FBXL2: variants seen among roughly 807,000 people sequenced by gnomAD.
FBXL2 encodes F-box and leucine rich repeat protein 2, also known as F-box/LRR-repeat protein 2.
A neutral mutation model predicts 69.2 loss-of-function variants in FBXL2; 38 were observed. The observed-to-expected ratio is 0.55, with a 90% confidence interval of 0.42 to 0.72. The LOEUF is 0.72. Ranked by LOEUF, FBXL2 falls within the 30% of genes least tolerant of loss-of-function variation. The pLI, the probability that FBXL2 is intolerant of heterozygous loss-of-function variation, is 0.00. For synonymous variants in FBXL2, 192 were observed against 201.3 expected (o/e 0.95, Z 0.39); for missense variants, 354 against 520.3 (o/e 0.68, Z 3.11).
chr3:33,291,746 A>T (rs1480406170), intron 1 of FBXL2, among the ~76,000 whole-genome samples: 1 of 152,334 alleles, frequency 6.6e-6, no homozygotes, highest in East Asian at 1.9e-4. Context: ...TTATGGAAAA[A>T]GTCAGGAAAG....
At chr3:33,312,566 C>A (rs2037307995) in intron 2 of FBXL2, among the ~76,000 whole-genome samples, 1 of 152,140 alleles carries the variant, frequency 6.6e-6, no homozygotes, top group South Asian at 2.1e-4. Context: ...CACCAGTCAG[C>A]CCATCCGGAG....
chr3:33,347,491 A>T (rs1304917045), intron 2 of FBXL2, among the ~76,000 whole-genome samples: 1 of 152,186 alleles, frequency 6.6e-6, no homozygotes, highest in Non-Finnish European at 1.5e-5. Context: ...GGGAGTGCAG[A>T]TATCTCTTCG....
chr3:33,293,298 G>C (rs902915383), intron 1 of FBXL2, among the ~76,000 whole-genome samples: 1 of 152,188 alleles, frequency 6.6e-6, no homozygotes, highest in Admixed American at 6.5e-5. Flanking sequence ...CTTGTGGCAG[G>C]TTCTATCACT....
At chr3:33,326,457 C>T (rs1023607843) in intron 2 of FBXL2, among the ~76,000 whole-genome samples, 3 of 151,278 alleles carry the variant, frequency 2.0e-5, no homozygotes, top group Non-Finnish European at 4.4e-5. Context: ...GAGCCGAGAT[C>T]GCTCTACCAC....
intron 2 of FBXL2, among the ~76,000 whole-genome samples, chr3:33,349,571 T>C (rs2040689011): frequency 6.6e-6 from 1 of 152,194 alleles, no homozygotes; most frequent in African/African-American, 2.4e-5. Flanking sequence ...TTTCTATTTT[T>C]GGTCTTGTCT....
intron 5 of FBXL2, among the ~76,000 whole-genome samples, chr3:33,367,585 C>CTT (rs74867316): frequency 7.5e-5 from 11 of 145,854 alleles, no homozygotes; most frequent in Middle Eastern, 3.6e-3. Flanking sequence ...TAATTGTTGT[C>CTT]TTTTTTTTTT....
chr3:33,414,274 A>G, the FBXL2 span: 1 of 152,118 alleles, frequency 6.6e-6, no homozygotes, highest in Non-Finnish European at 1.5e-5. Context: ...GGGAAAGAAA[A>G]AGAAAGAGAG....
At chr3:33,317,057 AC>A (rs1322871747) in intron 2 of FBXL2, among the ~76,000 whole-genome samples, 1 of 152,000 alleles carries the variant, frequency 6.6e-6, no homozygotes, top group East Asian at 1.9e-4. Flanking sequence ...GCATGCTATC[AC>A]GCCTGGCTAA....
chr3:33,345,037 T>A (rs541975619), intron 2 of FBXL2, among the ~76,000 whole-genome samples: 1 of 152,238 alleles, frequency 6.6e-6, no homozygotes, highest in Non-Finnish European at 1.5e-5. Context: ...GAAAGTCTTA[T>A]GTTAACTTTT....
chr3:33,310,138 A>G (rs1445702702), intron 2 of FBXL2, among the ~76,000 whole-genome samples: 2 of 151,958 alleles, frequency 1.3e-5, no homozygotes, highest in Non-Finnish European at 2.9e-5. Flanking sequence ...TTTATTTTTA[A>G]TAGTTTTATT....
Position 33,373,262 on chromosome 3 carries a change from C to T in FBXL2, c.362C>T (p.Thr121Met). The change falls in exon 7 of 15, where the codon ACG (threonine) becomes ATG (methionine). Residue 121 changes from threonine to methionine, a missense_variant and splice_region_variant. Physicochemically the swap from Thr to Met is moderately conservative, Grantham distance 81 (BLOSUM62 -1). Coordinates refer to ENST00000484457, the MANE Select transcript of FBXL2 (RefSeq NM_012157.5). ...TTAGTGCGTCTGCTCTTTTTCAGCA[C>T]GTGTTATAGCCTTAGCAGATTCTGT... Reference protein sequence around the residue: ...LNGCTKITDSTCYSLSRFCSK... With the variant: ...LNGCTKITDSMCYSLSRFCSK... The T allele has an allele frequency of 1.9e-6, 3 of 1,613,928 alleles. No homozygotes were observed. The highest frequency in any genetic ancestry group is 2.5e-6 in the Non-Finnish European group (3 of 1,179,818).
At chr3:33,401,230 G>T (rs536394292) in intron 12 of FBXL2, among the ~76,000 whole-genome samples, 1 of 152,252 alleles carries the variant, frequency 6.6e-6, no homozygotes, top group South Asian at 2.1e-4. Context: ...GTCTTAATTT[G>T]TGCCTTCTTC....
At chr3:33,309,091 C>A (rs186513560) in intron 2 of FBXL2, among the ~76,000 whole-genome samples, 2 of 152,244 alleles carry the variant, frequency 1.3e-5, no homozygotes, top group Non-Finnish European at 2.9e-5. Context: ...GTTAGGTCCT[C>A]TTGATCTCAA....
chr3:33,420,073 A>G, the FBXL2 span, among the ~76,000 whole-genome samples: 1 of 152,172 alleles, frequency 6.6e-6, no homozygotes, highest in African/African-American at 2.4e-5. Context: ...AGCTTCATCA[A>G]ATGGGACTCC....
intron 1 of FBXL2, among the ~76,000 whole-genome samples, chr3:33,294,270 A>T (rs1214858843): frequency 2.0e-5 from 3 of 151,642 alleles, no homozygotes; most frequent in African/African-American, 7.3e-5. Flanking sequence ...CTGATTTTTA[A>T]ATTTTTTTGT....
At chr3:33,322,601 C>G (rs2125800404) in intron 2 of FBXL2, among the ~76,000 whole-genome samples, 1 of 151,964 alleles carries the variant, frequency 6.6e-6, no homozygotes, top group South Asian at 2.1e-4. Flanking sequence ...CAAAATCAAG[C>G]AAAACTACAT....
In FBXL2 at chr3:33,386,581, G is replaced by GTACC. The variant is rs1553666850; in HGVS notation, c.*975_*978dup. The stretch of plus-strand genomic sequence containing the variant: ...TTAAAACTCAGATCAGTAAGTGTTG[G>GTACC]TACCTTTTAGACTCATAAAATTGAA... On this transcript the variant is annotated 3_prime_UTR_variant, in exon 15 of 15. Coordinates refer to ENST00000484457, the MANE Select transcript of FBXL2 (RefSeq NM_012157.5). The GTACC allele has an allele frequency of 6.6e-6, 1 of 151,640 alleles. No individual in the cohort carries two copies. The highest frequency in any genetic ancestry group is 1.5e-5 in the Non-Finnish European group (1 of 67,968). The allele number at this position is 151,640 out of a possible 1,614,324, so 9.4% of individuals were successfully genotyped here. A position where few individuals can be genotyped will look rare whatever the true frequency, so the allele number is the denominator to read the frequency against.
chr3:33,292,168 T>G (rs2125701212), intron 1 of FBXL2, among the ~76,000 whole-genome samples: 1 of 152,254 alleles, frequency 6.6e-6, no homozygotes, highest in Middle Eastern at 3.4e-3. Flanking sequence ...TCACTTGAGC[T>G]CAGGAGTTTG....
chr3:33,365,294 T>C (rs9844642), intron 5 of FBXL2, among the ~76,000 whole-genome samples: 3,333 of 151,768 alleles, frequency 0.022, 123 homozygotes, highest in African/African-American at 0.075. Context: ...TTTTTTTTTT[T>C]TTTGAGACCG....
Sources: gnomAD v4.1 joint callset for allele counts (sites outside exome capture counted in the v4.1 genomes callset) on GRCh38, gnomAD v4.1.1 for gene constraint, MANE v1.5 for transcripts, NCBI Gene and HGNC (gene_info 2026-07-23, HGNC 2026-07-21) for gene names.